HYDIN: variants seen among roughly 807,000 people sequenced by gnomAD.
HYDIN encodes the protein HYDIN axonemal central pair apparatus protein.
In HYDIN, 132 loss-of-function variants were observed where a neutral mutation model predicts 403.9. That is an observed-to-expected ratio of 0.33 (90% CI 0.28 to 0.38). The LOEUF (loss-of-function observed/expected upper bound fraction) is 0.38. HYDIN is among the 10% of genes least tolerant of loss of function. The pLI is 1.00. For missense variants in HYDIN, 2,827 were observed against 5,009.5 expected, an observed-to-expected ratio of 0.56 and a Z score of 13.15; for synonymous variants, 1,202 against 1,891.7, an observed-to-expected ratio of 0.64 and a Z score of 9.46.
rs200503876 is a variant in HYDIN, at chr16:70,809,808, C to A, written c.14858G>T (p.Arg4953Leu). The A allele has an allele frequency of 6.2e-7, 1 of 1,613,966 alleles. No individual in the cohort carries two copies. The highest frequency in any genetic ancestry group is 1.3e-5 in the African/African-American group (1 of 74,904). The part of the protein sequence containing the change: ...IILVKFINYT[R>L]QRTEYYCRTD... Reference sequence around the variant, plus strand: ...CCTGCAGTAGTATTCTGTCCTCTGCCGTGTGTAATTGATGAACTTCACAAG... The same window carrying A: ...CCTGCAGTAGTATTCTGTCCTCTGCAGTGTGTAATTGATGAACTTCACAAG... The change falls in exon 85 of 86, where the codon CGG (arginine) becomes CTG (leucine). Residue 4953 changes from arginine (R) to leucine (L), a missense_variant. Coordinates refer to ENST00000393567, the MANE Select transcript of HYDIN (RefSeq NM_001270974.2).
At position 71,179,011 on chromosome 16, in the gene HYDIN, G is replaced by A; in HGVS notation, c.298C>T (p.Pro100Ser). The change falls in exon 4 of 86, where the codon CCC becomes TCC. Residue 100 changes from proline to serine, a missense_variant. Coordinates refer to ENST00000393567, the MANE Select transcript of HYDIN (RefSeq NM_001270974.2). ...TGAAATATAATTTCTGATGGAAAGG[G>A]CTGGAATAATGCCTGATCCAGGTCA... ...GIDLDQALFQ[P>S]FPSEIIFQNY... The A allele has an allele frequency of 5.0e-6, 8 of 1,611,478 alleles. No homozygotes were observed. Among genetic ancestry groups the A allele is most frequent in the Non-Finnish European group, 5.9e-6 (7 of 1,177,904 alleles).
Position 71,064,749 on chromosome 16 carries a change from C to A in HYDIN, c.2167G>T (p.Ala723Ser), listed in dbSNP as rs1481307381. The A allele has an allele frequency of 6.2e-7, 1 of 1,614,090 alleles. No homozygotes were observed. The highest frequency in any genetic ancestry group is 1.1e-5 in the South Asian group (1 of 91,066). ...KYPYEKTLQL[A>S]NQDDLPGFYE... The stretch of plus-strand genomic sequence containing the variant: ...AATCCTGGGAGGTCATCTTGATTGG[C>A]AAGCTGGAGTGTTTTCTCATACGGG... Residue 723 changes from alanine to serine, a missense_variant, in exon 16 of 86, where the codon GCC (alanine) becomes TCC (serine). Coordinates refer to ENST00000393567, the MANE Select transcript of HYDIN (RefSeq NM_001270974.2).
Position 70,837,838 on chromosome 16 carries a change from A to G in HYDIN, c.13094T>C (p.Val4365Ala), listed in dbSNP as rs755316943. The change falls in exon 77 of 86, where the codon GTT (valine) becomes GCT (alanine). Residue 4365 changes from valine (V) to alanine (A), a missense_variant. Coordinates refer to ENST00000393567, the MANE Select transcript of HYDIN (RefSeq NM_001270974.2). ...TGTGTTTCCTGGCTTTACCACATCA[A>G]CACGGGAGTTCACCTCGAGGTGAGT... ...NTTHLEVNSRVDVVKPGNTLE... is the reference protein window; with the variant it reads ...NTTHLEVNSRADVVKPGNTLE... 2.5e-6 allele frequency: 4 copies of G among 1,613,998 alleles called. No individual in the cohort carries two copies. The South Asian group carries it at 4.4e-5, about 18-fold the overall frequency.
chr16:70,920,879 C>G lies in HYDIN; in HGVS notation c.7497G>C (p.Gln2499His), dbSNP rs2076975494. The stretch of plus-strand genomic sequence containing the variant: ...GGCCCCTGCGCCCACCCAAGGGGAC[C>G]TGGCGCTGGTCGTCGGGCTCATGGG... ...EAPHEPDDQRQVPLGGRRGRK... is the reference protein window; with the variant it reads ...EAPHEPDDQRHVPLGGRRGRK... Residue 2499 changes from glutamine (Q) to histidine (H), a missense_variant, in exon 46 of 86, where the codon CAG becomes CAC. Coordinates refer to ENST00000393567, the MANE Select transcript of HYDIN (RefSeq NM_001270974.2). 1 of 1,608,962 alleles carries G rather than the reference C, an allele frequency of 6.2e-7. No individual in the cohort carries two copies. Among genetic ancestry groups the G allele is most frequent in the Non-Finnish European group, 8.5e-7 (1 of 1,177,378 alleles).
chr16:71,208,688 T>C (rs536128955), intron 1 of HYDIN, among the ~76,000 whole-genome samples: 3 of 150,274 alleles, frequency 2.0e-5, no homozygotes, highest in Non-Finnish European at 4.4e-5. Context: ...AGAGAGAAGA[T>C]CCAAATAAAC....
At chr16:70,896,250 T>A (rs2076200084) in intron 53 of HYDIN, among the ~76,000 whole-genome samples, 170 bp from the exon 54 acceptor site, 1 of 151,698 alleles carries the variant, frequency 6.6e-6, no homozygotes, top group African/African-American at 2.4e-5. Flanking sequence ...CTCTTAATAC[T>A]CTGGGGAATG....
At chr16:70,901,822 G>T (rs2076388163) in intron 52 of HYDIN, among the ~76,000 whole-genome samples, 2 of 152,158 alleles carry the variant, frequency 1.3e-5, no homozygotes, top group African/African-American at 4.8e-5. Flanking sequence ...CTGACCTCGT[G>T]ATCTGCCCGT....
At chr16:70,835,464 T>C (rs2037362420) in intron 78 of HYDIN, among the ~76,000 whole-genome samples, 1 of 152,194 alleles carries the variant, frequency 6.6e-6, no homozygotes, top group African/African-American at 2.4e-5. Context: ...AAAATAATGT[T>C]CGTTTTCACA....
In HYDIN at chr16:70,805,286, G is replaced by T. The variant is rs565591058; in HGVS notation, c.*2294C>A. On this transcript the variant is annotated 3_prime_UTR_variant, in exon 86 of 86. Coordinates refer to ENST00000393567, the MANE Select transcript of HYDIN (RefSeq NM_001270974.2). ...CTCAGCTGCAATGTGCATGCAAATC[G>T]CCTGGAGGTCCATGAAAATGCAGAT... 6.6e-6 allele frequency among the ~76,000 whole-genome samples: 1 copy of T among 152,200 alleles called. No homozygotes were observed.
At chr16:70,943,766 C>T (rs375486590) in intron 42 of HYDIN, 46 bp downstream of exon 42, 17 of 1,592,266 alleles carry the variant, frequency 1.1e-5, no homozygotes, top group Admixed American at 3.4e-5. Flanking sequence ...GGGGATGGTG[C>T]GTGAATGCCA....
At chr16:71,036,806 G>A (rs1421256302) in intron 18 of HYDIN, among the ~76,000 whole-genome samples, 1 of 152,144 alleles carries the variant, frequency 6.6e-6, no homozygotes, top group Non-Finnish European at 1.5e-5. Context: ...AGTCAGCCTC[G>A]AAACTACTCT....
chr16:70,811,844 C>A lies in HYDIN; in HGVS notation c.14659-1837G>T, dbSNP rs779860398. On this transcript the variant is annotated intron_variant, in intron 84 of 85. Transcript: ENST00000393567. ...TGCACTCCAGCCTGGGCCACAAGAG[C>A]AAAACTCCATCTTGGGAAAAAAAAA... 9.4e-3 allele frequency among the ~76,000 whole-genome samples: 1,318 copies of A among 140,036 alleles called. 10 individuals are homozygous for A. The highest frequency in any genetic ancestry group is 0.081 in the Middle Eastern group (22 of 272). 91.9% of individuals were successfully genotyped at this position (140,036 alleles called of 152,430 possible).
At chr16:71,157,491 A>G (rs1224956572) in intron 6 of HYDIN, among the ~76,000 whole-genome samples, 4 of 149,734 alleles carry the variant, frequency 2.7e-5, no homozygotes, top group African/African-American at 9.8e-5. Context: ...CTCCTTAGAG[A>G]TTCTAACTCA....
chr16:71,089,816 G>C (rs563388392), intron 11 of HYDIN, among the ~76,000 whole-genome samples: 2 of 151,082 alleles, frequency 1.3e-5, no homozygotes, highest in Non-Finnish European at 2.9e-5. Context: ...GCAAGACTGT[G>C]GGGAGGTACT....
chr16:71,041,372 G>A lies in HYDIN; in HGVS notation c.2530-9455C>T, dbSNP rs1266614770. 3.3e-5 allele frequency among the ~76,000 whole-genome samples: 5 copies of A among 151,670 alleles called. No homozygotes were observed. The East Asian group carries it at 9.6e-4, about 29-fold the overall frequency. ...ATACATGTCATTTGACCCAGCAACG[G>A]CATTTCTAGAAATTTAGTCAAAGAA... is the stretch of plus-strand genomic sequence containing the variant. On this transcript the variant is annotated intron_variant, in intron 18 of 85. Transcript: ENST00000393567.
chr16:71,003,293 A>T (rs199764265), intron 23 of HYDIN, among the ~76,000 whole-genome samples: 3 of 151,450 alleles, frequency 2.0e-5, no homozygotes, highest in African/African-American at 2.4e-5. Flanking sequence ...TAAACTATAG[A>T]TCACTCTGGG....
rs2035324364 is a variant in HYDIN at position 70,809,555 on chromosome 16, CTTG to C, written c.14883+225_14883+227del. Reference sequence around the variant, plus strand: ...AAAACTCCCCTACACTCCATCACAGCTTGTTAAGACAGAAAGTCTGTAATGGAA... The same window carrying C: ...AAAACTCCCCTACACTCCATCACAGCTTAAGACAGAAAGTCTGTAATGGAA... On this transcript the variant is annotated intron_variant, in intron 85 of 85. Coordinates refer to ENST00000393567, the MANE Select transcript of HYDIN (RefSeq NM_001270974.2). Among the ~76,000 whole-genome samples, 3 of 152,182 alleles carry C rather than the reference CTTG, an allele frequency of 2.0e-5. No homozygotes were observed. The South Asian group carries it at 6.2e-4, about 32-fold the overall frequency.
At chr16:71,009,462 G>C (rs2080003313) in intron 23 of HYDIN, among the ~76,000 whole-genome samples, 1 of 150,504 alleles carries the variant, frequency 6.6e-6, no homozygotes, top group Non-Finnish European at 1.5e-5. Flanking sequence ...GTCATTAATA[G>C]AGGATCCATT....
chr16:70,992,893 G>A (rs2079404552), intron 23 of HYDIN, among the ~76,000 whole-genome samples: 1 of 152,208 alleles, frequency 6.6e-6, no homozygotes, highest in Admixed American at 6.5e-5. Context: ...ATGTCACAAA[G>A]GCCAAGGTTG....
Sources: allele counts gnomAD v4.1 joint callset (sites outside exome capture counted in the v4.1 genomes callset), GRCh38; gene constraint gnomAD v4.1.1; transcripts MANE v1.5; gene names NCBI Gene and HGNC (gene_info 2026-07-23, HGNC 2026-07-21).